DLG2: variants seen among roughly 807,000 people sequenced by gnomAD.
DLG2 encodes disks large homolog 2.
Under a neutral mutation model 132.5 loss-of-function variants are expected in DLG2, and 45 were observed. The observed-to-expected ratio is 0.34, with a 90% CI of 0.27 to 0.44. The LOEUF (loss-of-function observed/expected upper bound fraction) is 0.44. Ranked by LOEUF, DLG2 falls within the 20% of genes least tolerant of loss-of-function variation. The probability of loss-of-function intolerance (pLI) is 1.00; values close to 1 mark genes in which losing one functional copy is unlikely to be tolerated. For missense variants in DLG2, 1,045 were observed against 1,196.9 expected (o/e 0.87, Z 1.87); for synonymous variants, 424 against 419.6 (o/e 1.01, Z -0.13).
At chr11:84,345,483 G>T (rs977738919) in intron 7 of DLG2, among the ~76,000 whole-genome samples, 1 of 152,050 alleles carries the variant, frequency 6.6e-6, no homozygotes, top group Non-Finnish European at 1.5e-5. Context: ...TTTGCAACAG[G>T]TTACAGAATT....
intron 6 of DLG2, among the ~76,000 whole-genome samples, chr11:85,007,503 A>C (rs892445990): frequency 2.0e-5 from 3 of 151,528 alleles, no homozygotes; most frequent in Non-Finnish European, 4.4e-5. Context: ...TACTAAAAAA[A>C]AACACAAAAA....
At chr11:83,917,917 T>C (rs1053390874) in intron 15 of DLG2, among the ~76,000 whole-genome samples, 1 of 152,184 alleles carries the variant, frequency 6.6e-6, no homozygotes, top group African/African-American at 2.4e-5. Flanking sequence ...CTGGCTGTTC[T>C]TGAAGTTCAT....
intron 6 of DLG2, among the ~76,000 whole-genome samples, chr11:84,948,621 G>A (rs1340428840): frequency 6.6e-6 from 1 of 152,180 alleles, no homozygotes; most frequent in African/African-American, 2.4e-5. Context: ...ATAGATTCAA[G>A]GGCTTCAATG....
intron 18 of DLG2, among the ~76,000 whole-genome samples, chr11:83,706,730 C>G (rs192618235): frequency 1.3e-5 from 2 of 152,322 alleles, no homozygotes; most frequent in East Asian, 3.9e-4. Flanking sequence ...TGCCAACTCC[C>G]TTGCACGTCC....
intron 7 of DLG2, among the ~76,000 whole-genome samples, chr11:84,469,749 A>G (rs1223687597): frequency 6.6e-6 from 1 of 151,658 alleles, no homozygotes; most frequent in Non-Finnish European, 1.5e-5. Flanking sequence ...CAGCCTTATT[A>G]AATAGTCACA....
chr11:84,383,546 C>G, intron 7 of DLG2, among the ~76,000 whole-genome samples: 2 of 152,054 alleles, frequency 1.3e-5, no homozygotes, highest in East Asian at 1.9e-4. Context: ...TGGAGAGAGA[C>G]TCTCATGTTG....
chr11:84,445,391 T>C (rs1262614600), intron 7 of DLG2, among the ~76,000 whole-genome samples: 1 of 151,652 alleles, frequency 6.6e-6, no homozygotes, highest in Non-Finnish European at 1.5e-5. Flanking sequence ...AGACTTTGAA[T>C]GAGAGTATAG....
intron 6 of DLG2, among the ~76,000 whole-genome samples, chr11:84,933,648 T>C (rs1272865987): frequency 6.6e-6 from 1 of 152,188 alleles, no homozygotes; most frequent in Non-Finnish European, 1.5e-5. Context: ...TCATTCATGA[T>C]TCGGCTCTCA....
chr11:83,828,257 G>C (rs1470472704), intron 17 of DLG2, among the ~76,000 whole-genome samples: 1 of 152,170 alleles, frequency 6.6e-6, no homozygotes, highest in African/African-American at 2.4e-5. Context: ...GCTGGGCAGA[G>C]TGGCAGGCAC....
intron 6 of DLG2, among the ~76,000 whole-genome samples, chr11:84,966,973 C>T (rs1330715462): frequency 3.9e-5 from 6 of 152,000 alleles, no homozygotes; most frequent in Non-Finnish European, 8.8e-5. Context: ...GTTTGCCCTC[C>T]ATTGGTCTGG....
chr11:83,988,527 T>C (rs1295977798), intron 11 of DLG2, among the ~76,000 whole-genome samples: 1 of 152,190 alleles, frequency 6.6e-6, no homozygotes, highest in Non-Finnish European at 1.5e-5. Flanking sequence ...ATGATACTGA[T>C]TCTTCCTATC....
At chr11:84,377,322 G>A (rs1047451274) in intron 7 of DLG2, among the ~76,000 whole-genome samples, 8 of 151,922 alleles carry the variant, frequency 5.3e-5, no homozygotes. Flanking sequence ...ACCTATTCTA[G>A]ATTAAAGGGA....
chr11:85,324,704 A>G (rs1328799247), intron 3 of DLG2, among the ~76,000 whole-genome samples: 2 of 152,212 alleles, frequency 1.3e-5, no homozygotes, highest in Non-Finnish European at 2.9e-5. Flanking sequence ...GACCAAAAGA[A>G]ATAATTTTTA....
At chr11:84,347,323 C>T (rs1392972357) in intron 7 of DLG2, among the ~76,000 whole-genome samples, 5 of 152,144 alleles carry the variant, frequency 3.3e-5, no homozygotes, top group African/African-American at 4.8e-5. Flanking sequence ...ATGCCCACAA[C>T]GTAAGCCATT....
intron 7 of DLG2, chr11:84,272,383 G>C: frequency 2.6e-6 from 1 of 379,082 alleles, no homozygotes; most frequent in Non-Finnish European, 5.4e-6. Flanking sequence ...TTTTAGCAGA[G>C]ATTATTTTTT....
At chr11:84,795,234 CTT>C (rs1565982618) in intron 6 of DLG2, among the ~76,000 whole-genome samples, 1 of 152,166 alleles carries the variant, frequency 6.6e-6, no homozygotes, top group East Asian at 1.9e-4. Context: ...TGGGTCTCCT[CTT>C]TGCTTAGAGC....
chr11:84,253,810 T>C (rs574025282), intron 7 of DLG2, among the ~76,000 whole-genome samples: 6 of 152,262 alleles, frequency 3.9e-5, no homozygotes, highest in African/African-American at 1.2e-4. Flanking sequence ...TTGAATATTG[T>C]TTTTTCTGAC....
intron 3 of DLG2, among the ~76,000 whole-genome samples, chr11:85,505,910 C>G (rs1316536527): frequency 2.0e-5 from 3 of 152,128 alleles, no homozygotes; most frequent in African/African-American, 7.2e-5. Context: ...TGTTTTTGGT[C>G]TATTCAGGGA....
At chr11:84,832,612 G>T (rs1201593126) in intron 6 of DLG2, among the ~76,000 whole-genome samples, 1 of 151,432 alleles carries the variant, frequency 6.6e-6, no homozygotes, top group African/African-American at 2.4e-5. Context: ...TAATTCTTAG[G>T]CCTGAAAAGC....
Sources: gnomAD v4.1 joint callset for allele counts (sites outside exome capture counted in the v4.1 genomes callset) on GRCh38, gnomAD v4.1.1 for gene constraint, MANE v1.5 for transcripts, NCBI Gene and HGNC (gene_info 2026-07-23, HGNC 2026-07-21) for gene names.